RFX2: variants seen among roughly 807,000 people sequenced by gnomAD.
RFX2 encodes the protein regulatory factor X2.
A neutral mutation model predicts 87.8 loss-of-function variants in RFX2; 20 were observed. That is an observed-to-expected ratio of 0.23 (90% CI 0.16 to 0.33). The LOEUF is 0.33. Ranked by LOEUF, RFX2 falls within the 10% of genes least tolerant of loss-of-function variation. The probability of loss-of-function intolerance (pLI) is 1.00; values close to 1 mark genes in which losing one functional copy is unlikely to be tolerated. For missense variants in RFX2, 767 were observed against 1,012.3 expected (o/e 0.76, Z 3.29); for synonymous variants, 397 against 431.3 (o/e 0.92, Z 0.98).
rs1409340514 is a variant in RFX2, at chr19:6,001,713, C to G, written c.1859+102G>C. On this transcript the variant is annotated intron_variant, in intron 15 of 17. Transcript: ENST00000303657. This position sits in a 1 kb window ranked among gnomAD's most constrained non-coding sequence, Gnocchi z 5.6. ...GACACTGCTGCAACTCTGCTGAGCC[C>G]TGTTTTGCTCTGAGCTCACCAGCCG... 1.0e-6 allele frequency: 1 copy of G among 999,018 alleles called. No individual in the cohort carries two copies. The highest frequency in any genetic ancestry group is 1.6e-5 in the African/African-American group (1 of 60,906). The allele number at this position is 999,018 out of a possible 1,614,324, so 61.9% of individuals were successfully genotyped here. A position where few individuals can be genotyped will look rare whatever the true frequency, so the allele number is the denominator to read the frequency against.
At chr19:6,053,920 C>T (rs547364717) in intron 1 of RFX2, among the ~76,000 whole-genome samples, 1 of 139,102 alleles carries the variant, frequency 7.2e-6, no homozygotes, top group African/African-American at 2.7e-5. Context: ...TGCACTACTG[C>T]ACTCCAGCCT....
At position 6,063,554 on chromosome 19, in the gene RFX2, G is replaced by A. The variant is rs546319556; in HGVS notation, c.-8-16050C>T. On this transcript the variant is annotated intron_variant, in intron 1 of 17. Transcript: ENST00000303657. This position sits in a 1 kb window ranked among gnomAD's most constrained non-coding sequence, Gnocchi z 4.0. ...GCCCTCTGTCCCTCAAAGTCCACCC[G>A]CCCATGACAGCTAAGATTAAAGTGA... Among the ~76,000 whole-genome samples the A allele has an allele frequency of 6.6e-5, 10 of 152,244 alleles. No individual in the cohort carries two copies. In the East Asian group the frequency reaches 1.2e-3, roughly 18 times the overall value.
At chr19:6,038,953 G>T (rs2087062881) in intron 5 of RFX2, among the ~76,000 whole-genome samples, 1 of 152,198 alleles carries the variant, frequency 6.6e-6, no homozygotes, top group Non-Finnish European at 1.5e-5. Context: ...TGAGCCAGCA[G>T]CAATTCCACT....
Position 6,039,815 on chromosome 19 carries a change from C to T in RFX2, c.522+165G>A, listed in dbSNP as rs1408891007. On this transcript the variant is annotated intron_variant, in intron 5 of 17. Transcript: ENST00000303657. This position sits in a 1 kb window ranked among gnomAD's most constrained non-coding sequence, Gnocchi z 5.2. ...AACTCTGCAGGCCTGCCTATGGTTG[C>T]GTGGCCCGTCTGAGGCTGGCCCGAC... Among the ~76,000 whole-genome samples, 1 of 152,260 alleles carries T rather than the reference C, an allele frequency of 6.6e-6. No individual in the cohort carries two copies. Among genetic ancestry groups the T allele is most frequent in the African/African-American group, 2.4e-5 (1 of 41,468 alleles).
chr19:6,066,805 G>A (rs2087519473), intron 1 of RFX2, among the ~76,000 whole-genome samples: 1 of 152,152 alleles, frequency 6.6e-6, no homozygotes, highest in Non-Finnish European at 1.5e-5. Context: ...AGTAACAACG[G>A]TTGCCAGGGG....
At chr19:6,015,406 G>A (rs1383713646) in intron 7 of RFX2, among the ~76,000 whole-genome samples, 1 of 151,830 alleles carries the variant, frequency 6.6e-6, no homozygotes. Flanking sequence ...TCCAGCCTGG[G>A]TGACAGAGCA....
Position 6,011,064 on chromosome 19 carries a change from C to T in RFX2, c.900-813G>A, listed in dbSNP as rs2086653296. 6.6e-6 allele frequency among the ~76,000 whole-genome samples: 1 copy of T among 151,604 alleles called. No individual in the cohort carries two copies. The highest frequency in any genetic ancestry group is 2.4e-5 in the African/African-American group (1 of 41,204). ...CTGGGAGGCAGAGGTTGCAGTGAGC[C>T]GAGTTCACGCCATTGCACTCCAGCC... On this transcript the variant is annotated intron_variant, in intron 8 of 17. Coordinates refer to ENST00000303657, the MANE Select transcript of RFX2 (RefSeq NM_000635.4). The surrounding 1 kb of genome is among the most constrained non-coding windows in gnomAD (Gnocchi z 4.8).
In RFX2 at chr19:6,040,272, C is replaced by T. The variant is rs748583533; in HGVS notation, c.261-31G>A. ...AGAAAGAGAGAAGTCACGCATGGGA[C>T]GCTGTCCCATTTAAATGCCTTGTCT... is the stretch of plus-strand genomic sequence containing the variant. On this transcript the variant is annotated intron_variant, in intron 4 of 17. Coordinates refer to ENST00000303657, the MANE Select transcript of RFX2 (RefSeq NM_000635.4). The surrounding 1 kb of genome is among the most constrained non-coding windows in gnomAD (Gnocchi z 6.1). 2.0e-5 allele frequency: 30 copies of T among 1,497,484 alleles called. No homozygotes were observed. The highest frequency in any genetic ancestry group is 5.6e-5 in the African/African-American group (4 of 71,524). 92.8% of individuals were successfully genotyped at this position (1,497,484 alleles called of 1,614,324 possible).
intron 1 of RFX2, among the ~76,000 whole-genome samples, chr19:6,070,399 C>T: frequency 6.6e-6 from 1 of 151,952 alleles, no homozygotes; most frequent in East Asian, 1.9e-4. Context: ...GGTCCTGGTC[C>T]CCAGTCCCAT....
chr19:5,995,055 C>G (rs988860247), intron 17 of RFX2, 105 bp from the exon 18 acceptor site: 36 of 877,100 alleles, frequency 4.1e-5, no homozygotes, highest in Admixed American at 8.4e-5. Flanking sequence ...GGCAGGGCAC[C>G]GAGGATACAT....
intron 1 of RFX2, among the ~76,000 whole-genome samples, chr19:6,094,930 C>T (rs1291591670): frequency 6.6e-6 from 1 of 152,062 alleles, no homozygotes; most frequent in Non-Finnish European, 1.5e-5. Flanking sequence ...AGATTGAGAC[C>T]ATCCTGGCTA....
chr19:6,110,008 A>G lies in RFX2; in HGVS notation c.-9+385T>C, dbSNP rs897699319. Reference sequence around the variant, plus strand: ...AGATCTAGGGGGTTAAGGTGAGAAGAGGGTCCCCAAGCGCCCCCAATTCAG... The same window carrying G: ...AGATCTAGGGGGTTAAGGTGAGAAGGGGGTCCCCAAGCGCCCCCAATTCAG... On this transcript the variant is annotated intron_variant, in intron 1 of 17. Transcript: ENST00000303657. This position sits in a 1 kb window ranked among gnomAD's most constrained non-coding sequence, Gnocchi z 4.3. Among the ~76,000 whole-genome samples, 1 of 150,138 alleles carries G rather than the reference A, an allele frequency of 6.7e-6. No individual in the cohort carries two copies. Among genetic ancestry groups the G allele is most frequent in the Non-Finnish European group, 1.5e-5 (1 of 67,504 alleles).
At chr19:6,054,831 C>A (rs478239) in intron 1 of RFX2, among the ~76,000 whole-genome samples, 61,727 of 152,028 alleles carry the variant, frequency 0.41, 15,797 homozygotes, top group African/African-American at 0.73. Context: ...ATGCACAAAT[C>A]AGCATAAAAG....
chr19:6,007,647 A>C lies in RFX2; in HGVS notation c.1247+43T>G, dbSNP rs754237565. 1 of 1,201,102 alleles carries C rather than the reference A, an allele frequency of 8.3e-7. No individual in the cohort carries two copies. Among genetic ancestry groups the C allele is most frequent in the South Asian group, 1.3e-5 (1 of 76,926 alleles). The allele number at this position is 1,201,102 out of a possible 1,614,324, so 74.4% of individuals were successfully genotyped here. ...TACCTGTGGACGTCAGCAGGGGGTT[A>C]AGTCTGGGGTGGCTGTGAACCCAGC... On this transcript the variant is annotated intron_variant, in intron 11 of 17. Coordinates refer to ENST00000303657, the MANE Select transcript of RFX2 (RefSeq NM_000635.4). This position sits in a 1 kb window ranked among gnomAD's most constrained non-coding sequence, Gnocchi z 8.2.
chr19:6,092,997 C>G (rs758929304), intron 1 of RFX2, among the ~76,000 whole-genome samples: 6 of 152,096 alleles, frequency 3.9e-5, no homozygotes, highest in Non-Finnish European at 7.3e-5. Context: ...GAGGTGGCCC[C>G]GGTCCTGCTG....
At chr19:6,086,073 T>C (rs1454218837) in intron 1 of RFX2, among the ~76,000 whole-genome samples, 16 of 103,828 alleles carry the variant, frequency 1.5e-4, no homozygotes, top group Non-Finnish European at 1.1e-4. Flanking sequence ...GCCTGGGTGA[T>C]AGAACAAGAT....
At chr19:6,028,662 C>G (rs1031488860) in intron 5 of RFX2, among the ~76,000 whole-genome samples, 1 of 151,512 alleles carries the variant, frequency 6.6e-6, no homozygotes, top group Non-Finnish European at 1.5e-5. Context: ...TATCAGAACT[C>G]TGGAAATGAA....
Position 6,002,950 on chromosome 19 carries a change from T to C in RFX2, c.1501-80A>G. 1 of 1,476,318 alleles carries C rather than the reference T, an allele frequency of 6.8e-7. No homozygotes were observed. Among genetic ancestry groups the C allele is most frequent in the Non-Finnish European group, 9.1e-7 (1 of 1,095,962 alleles). 91.5% of individuals were successfully genotyped at this position (1,476,318 alleles called of 1,614,324 possible). Reference sequence around the variant, plus strand: ...GCGCTCCTTGCAGGGGTGTGTGGGCTCAGGGACAACACAGGGAGGAGGGAG... The same window carrying C: ...GCGCTCCTTGCAGGGGTGTGTGGGCCCAGGGACAACACAGGGAGGAGGGAG... On this transcript the variant is annotated intron_variant, in intron 13 of 17. Transcript: ENST00000303657. The surrounding 1 kb of genome is among the most constrained non-coding windows in gnomAD (Gnocchi z 6.7).
At chr19:6,097,916 A>C (rs1212496614) in intron 1 of RFX2, among the ~76,000 whole-genome samples, 13 of 152,158 alleles carry the variant, frequency 8.5e-5, no homozygotes, top group Non-Finnish European at 2.9e-5. Flanking sequence ...TTGGTGATCT[A>C]ACAGGCACTA....
Sources: gnomAD v4.1 joint callset for allele counts (sites outside exome capture counted in the v4.1 genomes callset) on GRCh38, gnomAD v4.1.1 for gene constraint, Gnocchi (gnomAD v3.1) non-coding constraint, MANE v1.5 for transcripts, NCBI Gene and HGNC (gene_info 2026-07-23, HGNC 2026-07-21) for gene names.